The following PCSK5 variants were observed in gnomAD, a reference collection of about 807,000 sequenced individuals.
The protein encoded by PCSK5 is proprotein convertase subtilisin/kexin type 5.
Under a neutral mutation model 233.2 loss-of-function variants are expected in PCSK5, and 129 were observed. The ratio of observed to expected loss-of-function variants is 0.55; its 90% CI spans 0.48 to 0.64. The LOEUF (loss-of-function observed/expected upper bound fraction) is 0.64, where lower values mean the gene tolerates loss of function less well. PCSK5 is among the 30% of genes least tolerant of loss of function. PCSK5 has a pLI of 0.00. For synonymous variants in PCSK5, 825 were observed against 879.2 expected (o/e 0.94, Z 1.09); for missense variants, 2,076 against 2,430.1 (o/e 0.85, Z 3.06).
At position 76,217,825 on chromosome 9, in the gene PCSK5, C is replaced by T. The variant is rs200499607; in HGVS notation, c.2627-9678C>T. On this transcript the variant is annotated intron_variant, in intron 20 of 37. Coordinates refer to ENST00000674117, the MANE Select transcript of PCSK5 (RefSeq NM_001372043.1). ...ATAGGATGCAAACCACGGGGAAGGA[C>T]GTTAGTAGGCAAGGAAACACCTGAG... Among the ~76,000 whole-genome samples, 3 of 152,176 alleles carry T rather than the reference C, an allele frequency of 2.0e-5. No homozygotes were observed. In the East Asian group the frequency reaches 5.8e-4, roughly 29 times the overall value.
At chr9:75,902,214 T>TTAAA (rs1554703242) in intron 1 of PCSK5, among the ~76,000 whole-genome samples, 6 of 53,302 alleles carry the variant, frequency 1.1e-4, no homozygotes, top group African/African-American at 4.0e-4. Flanking sequence ...AGACACCATC[T>TTAAA]AAAAAAAAAA....
At chr9:76,195,420 A>G (rs1360485927) in intron 20 of PCSK5, 1 of 152,210 alleles carries the variant, frequency 6.6e-6, no homozygotes, top group African/African-American at 2.4e-5. Flanking sequence ...ACATGACAAC[A>G]AAATTCATTG....
intron 12 of PCSK5, among the ~76,000 whole-genome samples, chr9:76,161,071 G>A (rs28584572): frequency 0.016 from 2,427 of 152,334 alleles, 89 homozygotes; most frequent in African/African-American, 0.054. Context: ...ACTGCGTGCA[G>A]CCCGGAATCT....
chr9:75,951,731 T>C (rs896536689), intron 2 of PCSK5, among the ~76,000 whole-genome samples: 3 of 151,674 alleles, frequency 2.0e-5, no homozygotes, highest in Non-Finnish European at 4.4e-5. Flanking sequence ...GTAAAAATAA[T>C]ACAATAAAAT....
chr9:75,973,151 A>G (rs1825874907), intron 2 of PCSK5, among the ~76,000 whole-genome samples: 1 of 152,144 alleles, frequency 6.6e-6, no homozygotes, highest in African/African-American at 2.4e-5. Context: ...GAAATAGTTT[A>G]TTTTGCACAA....
intron 3 of PCSK5, among the ~76,000 whole-genome samples, chr9:75,995,559 G>T (rs1826977715): frequency 6.6e-6 from 1 of 152,106 alleles, no homozygotes; most frequent in African/African-American, 2.4e-5. Flanking sequence ...CTGATATCTT[G>T]AATTGGGAGT....
chr9:75,983,311 C>T (rs369257287), intron 2 of PCSK5, among the ~76,000 whole-genome samples: 1 of 152,000 alleles, frequency 6.6e-6, no homozygotes, highest in East Asian at 1.9e-4. Context: ...CCTCCTATTG[C>T]TTGCCCCATG....
chr9:75,958,076 T>C (rs1048904214), intron 2 of PCSK5, among the ~76,000 whole-genome samples: 43 of 152,230 alleles, frequency 2.8e-4, no homozygotes, highest in Non-Finnish European at 8.8e-5. Flanking sequence ...GAACAATGTC[T>C]GCCCTATCTA....
chr9:75,997,137 G>A (rs41391845), intron 3 of PCSK5, among the ~76,000 whole-genome samples: 13,562 of 152,146 alleles, frequency 0.089, 748 homozygotes, highest in Non-Finnish European at 0.12. Flanking sequence ...GGGGAGAGCC[G>A]GTCATTTAGA....
chr9:76,217,998 T>A lies in PCSK5; in HGVS notation c.2627-9505T>A, dbSNP rs907047683. Among the ~76,000 whole-genome samples the A allele has an allele frequency of 5.1e-4, 77 of 152,174 alleles. 2 individuals carry two copies. Among genetic ancestry groups the A allele is most frequent in the Admixed American group, 2.7e-3 (42 of 15,278 alleles). ...GTGGGAAGGACTGTACAATGTGTCCTGATACCTGCCAAGTAGGGGAGCCCC... is the reference window on the plus strand; with the variant it reads ...GTGGGAAGGACTGTACAATGTGTCCAGATACCTGCCAAGTAGGGGAGCCCC... On this transcript the variant is annotated intron_variant, in intron 20 of 37. Transcript: ENST00000674117.
At chr9:76,357,885 G>A (rs1049747825) in intron 37 of PCSK5, among the ~76,000 whole-genome samples, 5 of 152,166 alleles carry the variant, frequency 3.3e-5, no homozygotes, top group African/African-American at 9.7e-5. Flanking sequence ...CTTAAGTGGT[G>A]GGACAGTCAT....
rs577340931 is a variant in PCSK5, at chr9:76,315,013, C to A, written c.3884+4162C>A. 9.9e-5 allele frequency among the ~76,000 whole-genome samples: 15 copies of A among 151,406 alleles called. No individual in the cohort carries two copies. In the East Asian group the frequency reaches 2.9e-3, roughly 30 times the overall value. Reference sequence around the variant, plus strand: ...TTCACTCTTGTTGCCCAGGCAATGGCGCCATCTCAGCTCACTGCAACCTCT... The same window carrying A: ...TTCACTCTTGTTGCCCAGGCAATGGAGCCATCTCAGCTCACTGCAACCTCT... On this transcript the variant is annotated intron_variant, in intron 30 of 37. Coordinates refer to ENST00000674117, the MANE Select transcript of PCSK5 (RefSeq NM_001372043.1).
chr9:76,092,138 T>C (rs1243873142), intron 7 of PCSK5, among the ~76,000 whole-genome samples: 1 of 152,152 alleles, frequency 6.6e-6, no homozygotes, highest in African/African-American at 2.4e-5. Context: ...GGTTGGAAAC[T>C]ACGTCCTACC....
intron 10 of PCSK5, among the ~76,000 whole-genome samples, chr9:76,135,754 T>C (rs2131750872): frequency 6.6e-6 from 1 of 152,198 alleles, no homozygotes; most frequent in Admixed American, 6.6e-5. Flanking sequence ...TAACCTTAGC[T>C]AGTTGAAAGC....
intron 24 of PCSK5, among the ~76,000 whole-genome samples, chr9:76,267,527 C>T (rs1343661807): frequency 1.3e-5 from 2 of 152,150 alleles, no homozygotes; most frequent in Non-Finnish European, 2.9e-5. Flanking sequence ...GGAAGAAGAG[C>T]TTGGCTTTGT....
At chr9:75,901,913 A>G (rs2131201228) in intron 1 of PCSK5, among the ~76,000 whole-genome samples, 1 of 152,254 alleles carries the variant, frequency 6.6e-6, no homozygotes, top group East Asian at 1.9e-4. Context: ...CAGGAGCCTG[A>G]GATTAGAAAA....
chr9:76,103,305 G>C (rs944470304), intron 8 of PCSK5, among the ~76,000 whole-genome samples: 1 of 152,142 alleles, frequency 6.6e-6, no homozygotes, highest in African/African-American at 2.4e-5. Flanking sequence ...CTAACAGACA[G>C]TAAAATCATT....
intron 20 of PCSK5, among the ~76,000 whole-genome samples, chr9:76,213,234 T>G (rs568418916): frequency 1.3e-5 from 2 of 152,334 alleles, no homozygotes; most frequent in South Asian, 4.1e-4. Context: ...GACCCATGTA[T>G]AAAATTTCAT....
chr9:76,218,384 G>C (rs1184350528), intron 20 of PCSK5, among the ~76,000 whole-genome samples: 1 of 152,116 alleles, frequency 6.6e-6, no homozygotes, highest in Non-Finnish European at 1.5e-5. Context: ...CTGCCTCATT[G>C]CCACCCACAT....
Sources: gnomAD v4.1 joint callset for allele counts (sites outside exome capture counted in the v4.1 genomes callset) on GRCh38, gnomAD v4.1.1 for gene constraint, MANE v1.5 for transcripts, NCBI Gene and HGNC (gene_info 2026-07-23, HGNC 2026-07-21) for gene names.